Variants in ST7 observed in about 807,000 individuals in gnomAD.
ST7 encodes suppression of tumorigenicity 7, also known as suppressor of tumorigenicity 7 protein.
A neutral mutation model predicts 78.7 loss-of-function variants in ST7; 28 were observed. The ratio of observed to expected loss-of-function variants is 0.36; its 90% CI spans 0.26 to 0.49. The LOEUF is 0.49. ST7 is among the 20% of genes least tolerant of loss of function. The pLI is 0.99. For missense variants in ST7, 418 were observed against 696.0 expected (o/e 0.60, Z 4.49); for synonymous variants, 247 against 249.6 (o/e 0.99, Z 0.10).
At chr7:117,034,128 G>T (rs181518767) in intron 1 of ST7, among the ~76,000 whole-genome samples, 146 of 151,718 alleles carry the variant, frequency 9.6e-4, no homozygotes, top group African/African-American at 3.4e-3. Context: ...TTTTGTAGAG[G>T]CAGTCTTGCT....
At chr7:117,036,950 TC>T (rs1426417920) in intron 1 of ST7, among the ~76,000 whole-genome samples, 1 of 152,176 alleles carries the variant, frequency 6.6e-6, no homozygotes, top group African/African-American at 2.4e-5. Flanking sequence ...CTTACAGAAT[TC>T]AGCAGGTGTG....
At chr7:116,967,417 G>T (rs755445340) in intron 1 of ST7, 14 of 471,130 alleles carry the variant, frequency 3.0e-5, no homozygotes, top group Non-Finnish European at 6.2e-5. Context: ...TCCTATTGTG[G>T]ACATTAAGGA....
intron 1 of ST7, among the ~76,000 whole-genome samples, chr7:117,000,862 T>G (rs1794904313): frequency 6.6e-6 from 1 of 152,188 alleles, no homozygotes; most frequent in Non-Finnish European, 1.5e-5. Flanking sequence ...GCTGGATCTT[T>G]TTGATGGTAA....
intron 1 of ST7, among the ~76,000 whole-genome samples, chr7:116,997,338 G>T (rs111399074): frequency 0.026 from 4,004 of 152,214 alleles, 176 homozygotes; most frequent in African/African-American, 0.089. Flanking sequence ...CCCACATCCT[G>T]CTGATTGGCC....
intron 13 of ST7, among the ~76,000 whole-genome samples, chr7:117,218,118 A>T (rs1011330182): frequency 2.6e-5 from 4 of 152,194 alleles, no homozygotes; most frequent in African/African-American, 7.2e-5. Flanking sequence ...TGTAGCTATG[A>T]TTCCTTGAAA....
In ST7 at chr7:117,178,476, G is replaced by T. The variant is rs1346130988; in HGVS notation, c.1078+7500G>T. ...TTTCATCTCAACCTCTGTGTACTAG[G>T]GTAGTCATTGGGAATATCTGTGGTC... On this transcript the variant is annotated intron_variant, in intron 10 of 15. Coordinates refer to ENST00000323984, the MANE Select transcript of ST7 (RefSeq NM_001369598.1). Among the ~76,000 whole-genome samples the T allele has an allele frequency of 2.6e-5, 4 of 152,110 alleles. No individual in the cohort carries two copies. In the East Asian group the frequency reaches 7.7e-4, roughly 29 times the overall value.
chr7:117,117,009 ATCTG>A (rs1269721919), intron 2 of ST7, among the ~76,000 whole-genome samples: 10 of 152,230 alleles, frequency 6.6e-5, no homozygotes, highest in Non-Finnish European at 1.3e-4. Context: ...GATAGGCTAC[ATCTG>A]TCTGTTTATA....
At chr7:117,067,959 T>C (rs1194146893) in intron 1 of ST7, among the ~76,000 whole-genome samples, 1 of 152,240 alleles carries the variant, frequency 6.6e-6, no homozygotes, top group African/African-American at 2.4e-5. Context: ...TTCATGAAGC[T>C]GGCAAAGCTC....
chr7:117,012,490 G>A (rs902218884), intron 1 of ST7, among the ~76,000 whole-genome samples: 2 of 152,018 alleles, frequency 1.3e-5, no homozygotes, highest in South Asian at 2.1e-4. Flanking sequence ...GGTTAAATAG[G>A]TTAATACATG....
intron 1 of ST7, among the ~76,000 whole-genome samples, chr7:117,002,062 T>TA (rs1794957464): frequency 6.6e-6 from 1 of 151,708 alleles, no homozygotes; most frequent in South Asian, 2.1e-4. Context: ...CCATCTCTAC[T>TA]AAAAATACAA....
chr7:116,975,400 GT>G, intron 1 of ST7, among the ~76,000 whole-genome samples: 2 of 151,842 alleles, frequency 1.3e-5, no homozygotes, highest in Non-Finnish European at 2.9e-5. Flanking sequence ...TATTATGGGG[GT>G]TTTTTGAAAA....
intron 10 of ST7, among the ~76,000 whole-genome samples, chr7:117,184,540 C>T (rs1042072663): frequency 9.2e-5 from 14 of 152,126 alleles, no homozygotes; most frequent in African/African-American, 2.4e-4. Context: ...TATCCATTTC[C>T]GTAGTGATAA....
At position 117,021,468 on chromosome 7, in the gene ST7, A is replaced by G. The variant is rs200005483; in HGVS notation, c.151+67777A>G. ...ATAAGAATTTCTAAAGAGACTTTCA[A>G]CCTGCTGGCTAGAGCATTAAATATT... On this transcript the variant is annotated intron_variant, in intron 1 of 15. Coordinates refer to ENST00000323984, the MANE Select transcript of ST7 (RefSeq NM_001369598.1). 4.6e-5 allele frequency among the ~76,000 whole-genome samples: 7 copies of G among 152,326 alleles called. No homozygotes were observed. The East Asian group carries it at 5.8e-4, about 13-fold the overall frequency.
intron 1 of ST7, among the ~76,000 whole-genome samples, chr7:116,963,367 C>T (rs1439079295): frequency 6.6e-6 from 1 of 152,132 alleles, no homozygotes; most frequent in Non-Finnish European, 1.5e-5. Flanking sequence ...TGATGTGTTA[C>T]CATTACCCAT....
chr7:117,145,840 A>G (rs1308302753), intron 9 of ST7, among the ~76,000 whole-genome samples: 3 of 152,190 alleles, frequency 2.0e-5, no homozygotes, highest in African/African-American at 7.2e-5. Flanking sequence ...ATATCAGGTC[A>G]GCTAAAAACA....
intron 3 of ST7, among the ~76,000 whole-genome samples, chr7:117,119,995 C>G (rs1184709195): frequency 2.6e-5 from 4 of 151,574 alleles, no homozygotes; most frequent in Non-Finnish European, 5.9e-5. Context: ...GTGGCATGAT[C>G]TTGGCTCACT....
At chr7:117,043,201 C>T (rs916853020) in intron 1 of ST7, among the ~76,000 whole-genome samples, 3 of 152,162 alleles carry the variant, frequency 2.0e-5, no homozygotes, top group African/African-American at 4.8e-5. Flanking sequence ...CGTCTGATTA[C>T]AGCAATTTGG....
intron 2 of ST7, chr7:117,117,801 T>C (rs1803007622): frequency 6.6e-6 from 1 of 152,168 alleles, no homozygotes; most frequent in South Asian, 2.1e-4. Flanking sequence ...ACTTAGGTGT[T>C]TTACATGGGG....
At chr7:117,017,558 C>T (rs1484694528) in intron 1 of ST7, among the ~76,000 whole-genome samples, 1 of 152,136 alleles carries the variant, frequency 6.6e-6, no homozygotes, top group Non-Finnish European at 1.5e-5. Context: ...GGCAAGGTTG[C>T]AGGCAGGGGT....
Sources: gnomAD v4.1 joint callset for allele counts (sites outside exome capture counted in the v4.1 genomes callset) on GRCh38, gnomAD v4.1.1 for gene constraint, MANE v1.5 for transcripts, NCBI Gene and HGNC (gene_info 2026-07-23, HGNC 2026-07-21) for gene names.